CFAP57: variants seen among roughly 807,000 people sequenced by gnomAD.
CFAP57 encodes the protein cilia- and flagella-associated protein 57.
Under a neutral mutation model 146.8 loss-of-function variants are expected in CFAP57, and 116 were observed. That is an observed-to-expected ratio of 0.79 (90% confidence interval 0.68 to 0.92). The LOEUF is 0.92. Among genes scored for constraint, CFAP57 ranks in the 40% least tolerant of loss-of-function variants. CFAP57 has a pLI of 0.00. For missense variants in CFAP57, 1,377 were observed against 1,527.2 expected (o/e 0.90, Z 1.64); for synonymous variants, 518 against 552.8 (o/e 0.94, Z 0.88).
Position 43,210,018 on chromosome 1 carries a change from C to A in CFAP57, c.1929+102C>A, listed in dbSNP as rs749210329. ...AATGTCTTTTCTCTCTCCTTCTTCT[C>A]TCTTATTTATTCATCCATCATTCAT... On this transcript the variant is annotated intron_variant, in intron 11 of 22. Coordinates refer to ENST00000372492, the MANE Select transcript of CFAP57 (RefSeq NM_001378189.1). The A allele has an allele frequency of 3.7e-6, 6 of 1,613,678 alleles. No homozygotes were observed. In the African/African-American group the frequency reaches 8.0e-5, roughly 22 times the overall value.
chr1:43,190,656 T>C (rs1279438091), intron 6 of CFAP57, among the ~76,000 whole-genome samples: 1 of 152,150 alleles, frequency 6.6e-6, no homozygotes, highest in Non-Finnish European at 1.5e-5. Context: ...TTCCCTTCTA[T>C]TCCTAGTTTG....
intron 22 of CFAP57, among the ~76,000 whole-genome samples, chr1:43,252,363 C>G (rs1406574009): frequency 6.6e-6 from 1 of 152,102 alleles, no homozygotes; most frequent in Non-Finnish European, 1.5e-5. Context: ...AAAGTCCCTA[C>G]TCAGACAAGT....
intron 18 of CFAP57, among the ~76,000 whole-genome samples, chr1:43,231,735 G>T (rs999787028): frequency 6.6e-6 from 1 of 151,540 alleles, no homozygotes; most frequent in Non-Finnish European, 1.5e-5. Flanking sequence ...GGGCATGGTG[G>T]CAATTGCCTG....
chr1:43,172,938 C>T (rs773951647), intron 2 of CFAP57, 28 bp downstream of exon 2: 4 of 1,602,818 alleles, frequency 2.5e-6, no homozygotes, highest in African/African-American at 2.7e-5. Flanking sequence ...CTGACATATA[C>T]AGGAATGGTA....
At chr1:43,252,404 C>T (rs1646347616) in intron 22 of CFAP57, among the ~76,000 whole-genome samples, 2 of 152,038 alleles carry the variant, frequency 1.3e-5, no homozygotes, top group South Asian at 4.1e-4. Context: ...CAATTTGTGG[C>T]TTAAGGCGAT....
rs1346290650 is a variant in CFAP57 at position 43,232,466 on chromosome 1, C to T, written c.3010-42C>T. On this transcript the variant is annotated intron_variant, in intron 18 of 22. Coordinates refer to ENST00000372492, the MANE Select transcript of CFAP57 (RefSeq NM_001378189.1). Reference sequence around the variant, plus strand: ...AGTTCTCAAATACAGTTTTCATTATCTAACTTTCTTCTTCTTGACTCTTTT... The same window carrying T: ...AGTTCTCAAATACAGTTTTCATTATTTAACTTTCTTCTTCTTGACTCTTTT... The T allele has an allele frequency of 3.4e-5, 51 of 1,504,996 alleles. No individual in the cohort carries two copies. The East Asian group carries it at 1.2e-3, about 36-fold the overall frequency. The allele number at this position is 1,504,996 out of a possible 1,614,324, so 93.2% of individuals were successfully genotyped here.
At chr1:43,230,995 ACT>A (rs1645444464) in intron 18 of CFAP57, among the ~76,000 whole-genome samples, 1 of 152,026 alleles carries the variant, frequency 6.6e-6, no homozygotes, top group Non-Finnish European at 1.5e-5. Flanking sequence ...GTTCTATATA[ACT>A]CTGCCAACAC....
chr1:43,247,752 T>C (rs1646164955), intron 22 of CFAP57, among the ~76,000 whole-genome samples: 1 of 152,242 alleles, frequency 6.6e-6, no homozygotes, highest in Admixed American at 6.5e-5. Flanking sequence ...AAACTACATA[T>C]GACTTACACA....
chr1:43,239,557 G>A (rs1481078525), intron 21 of CFAP57, among the ~76,000 whole-genome samples: 1 of 152,236 alleles, frequency 6.6e-6, no homozygotes, highest in Non-Finnish European at 1.5e-5. Flanking sequence ...CAGGAAGGAT[G>A]AACATCAGAA....
rs1316199870 is a variant in CFAP57, at chr1:43,199,616, T to G, written c.1542+113T>G. The G allele has an allele frequency of 4.3e-6, 4 of 929,810 alleles. No individual in the cohort carries two copies. The African/African-American group carries it at 6.5e-5, about 15-fold the overall frequency. 57.6% of individuals were successfully genotyped at this position (929,810 alleles called of 1,614,324 possible). A position where few individuals can be genotyped will look rare whatever the true frequency, so the allele number is the denominator to read the frequency against. On this transcript the variant is annotated intron_variant, in intron 9 of 22. Coordinates refer to ENST00000372492, the MANE Select transcript of CFAP57 (RefSeq NM_001378189.1). ...ATGGTTCCTTTCCTCATGGGTTCAC[T>G]GTCTACTTGGGGAAAGAGACAATAA... is the stretch of plus-strand genomic sequence containing the variant.
intron 11 of CFAP57, among the ~76,000 whole-genome samples, chr1:43,213,534 C>G (rs1644714466): frequency 6.6e-6 from 1 of 150,822 alleles, no homozygotes; most frequent in Non-Finnish European, 1.5e-5. Flanking sequence ...GGTATCCTTT[C>G]AATCTGCTGA....
chr1:43,243,183 C>T, intron 21 of CFAP57, 44 bp from the exon 22 acceptor site: 1 of 1,544,334 alleles, frequency 6.5e-7, no homozygotes, highest in Non-Finnish European at 8.7e-7. Flanking sequence ...GCCCACTGAC[C>T]ACTCATCCAT....
At chr1:43,207,218 TG>T (rs1367801366) in intron 10 of CFAP57, among the ~76,000 whole-genome samples, 1 of 152,236 alleles carries the variant, frequency 6.6e-6, no homozygotes, top group African/African-American at 2.4e-5. Context: ...CTTCCAGGCA[TG>T]GAGGTCATGT....
At chr1:43,184,936 C>T (rs1349462233) in intron 4 of CFAP57, 2 of 569,206 alleles carry the variant, frequency 3.5e-6, no homozygotes, top group Admixed American at 2.6e-5. Context: ...CCTCTGTCTA[C>T]TCCACACGCC....
chr1:43,224,268 C>A, intron 17 of CFAP57, 64 bp downstream of exon 17: 1 of 1,452,490 alleles, frequency 6.9e-7, no homozygotes, highest in Non-Finnish European at 9.1e-7. Flanking sequence ...GAAGGCAAAG[C>A]TCAGGGGAGA....
chr1:43,216,957 G>A (rs1018245088), intron 12 of CFAP57, among the ~76,000 whole-genome samples: 5 of 152,242 alleles, frequency 3.3e-5, no homozygotes, highest in Non-Finnish European at 7.3e-5. Context: ...GGAATTAAAC[G>A]TGCAGTGGAA....
intron 21 of CFAP57, among the ~76,000 whole-genome samples, chr1:43,239,265 G>A (rs980588926): frequency 3.9e-5 from 6 of 152,178 alleles, no homozygotes; most frequent in African/African-American, 1.2e-4. Context: ...AACAGAACAA[G>A]AGAGTCAGGC....
Position 43,199,467 on chromosome 1 carries a change from A to G in CFAP57, c.1506A>G (p.Leu502=). Reference sequence around the variant, plus strand: ...TTCACGTTTACACCACCACGAGCCTAGAGAACATCTCAAGCCTGAAAGGAC... The same window carrying G: ...TTCACGTTTACACCACCACGAGCCTGGAGAACATCTCAAGCCTGAAAGGAC... ...NVIHVYTTTS[L]ENISSLKGHT... The change falls in exon 9 of 23, where the codon CTA becomes CTG. Residue 502 remains leucine, a synonymous_variant. Coordinates refer to ENST00000372492, the MANE Select transcript of CFAP57 (RefSeq NM_001378189.1). The G allele has an allele frequency of 6.2e-7, 1 of 1,614,200 alleles. No homozygotes were observed.
intron 21 of CFAP57, among the ~76,000 whole-genome samples, chr1:43,236,726 G>A (rs554581641): frequency 3.3e-5 from 5 of 151,122 alleles, no homozygotes; most frequent in African/African-American, 7.3e-5. Flanking sequence ...TGGCTAACAC[G>A]GTGAAACCCC....
Sources: allele counts gnomAD v4.1 joint callset (sites outside exome capture counted in the v4.1 genomes callset), GRCh38; gene constraint gnomAD v4.1.1; transcripts MANE v1.5; gene names NCBI Gene and HGNC (gene_info 2026-07-23, HGNC 2026-07-21).